The following RBM6 variants were observed in gnomAD, a reference collection of about 807,000 sequenced individuals.
The protein encoded by RBM6 is RNA-binding protein 6.
RBM6 carries 23 observed loss-of-function variants against 140.4 expected under a neutral mutation model. The ratio of observed to expected loss-of-function variants is 0.16; its 90% CI spans 0.12 to 0.23. RBM6 has a LOEUF of 0.23. RBM6 is among the 10% of genes least tolerant of loss of function. RBM6 has a pLI of 1.00. For missense variants in RBM6, 1,139 were observed against 1,386.7 expected (o/e 0.82, Z 2.84); for synonymous variants, 439 against 475.6 (o/e 0.92, Z 1.00).
intron 1 of RBM6, among the ~76,000 whole-genome samples, chr3:49,956,448 C>T (rs537550816): frequency 6.8e-6 from 1 of 147,230 alleles, no homozygotes; most frequent in Non-Finnish European, 1.5e-5. Context: ...CATTTTCCTG[C>T]CTCTGCCTCC....
chr3:50,057,451 G>C (rs2089748736), intron 8 of RBM6, among the ~76,000 whole-genome samples: 1 of 151,942 alleles, frequency 6.6e-6, no homozygotes, highest in Non-Finnish European at 1.5e-5. Flanking sequence ...ACCTGGGCGT[G>C]GTGGTGGGCA....
At chr3:49,980,053 C>T (rs1455865008) in intron 5 of RBM6, among the ~76,000 whole-genome samples, 4 of 151,480 alleles carry the variant, frequency 2.6e-5, no homozygotes, top group African/African-American at 7.3e-5. Flanking sequence ...CAAGCTGGAG[C>T]GTAATGGCGC....
At chr3:49,994,407 C>T (rs35012435) in intron 5 of RBM6, among the ~76,000 whole-genome samples, 33,197 of 152,012 alleles carry the variant, frequency 0.22, 3,926 homozygotes, top group Middle Eastern at 0.27. Context: ...GGAAATCTTG[C>T]GCACAAAGCC....
intron 5 of RBM6, among the ~76,000 whole-genome samples, chr3:49,978,268 T>C (rs1183719840): frequency 1.3e-5 from 2 of 152,148 alleles, no homozygotes; most frequent in African/African-American, 2.4e-5. Context: ...CCCACAGTGC[T>C]GGGATTACAG....
At chr3:49,966,014 T>G (rs2084501880) in intron 2 of RBM6, among the ~76,000 whole-genome samples, 1 of 151,884 alleles carries the variant, frequency 6.6e-6, no homozygotes, top group African/African-American at 2.4e-5. Context: ...TAATCCCAGC[T>G]ACTCTGGAGG....
intron 1 of RBM6, among the ~76,000 whole-genome samples, chr3:49,957,665 A>G (rs966104243): frequency 1.3e-5 from 2 of 152,132 alleles, no homozygotes; most frequent in Non-Finnish European, 2.9e-5. Context: ...CTGTTAAGTC[A>G]TGGATTACAT....
rs1359094349 is a variant in RBM6 at position 50,077,160 on chromosome 3, A to G, written c.*27A>G. 1.9e-6 allele frequency: 3 copies of G among 1,590,660 alleles called. No homozygotes were observed. ...AAAGGAGACAAGTTCCATGGGATAC[A>G]ACCTCCCTCTTGTTTTGTTTGTCTC... On this transcript the variant is annotated 3_prime_UTR_variant, in exon 21 of 21. Coordinates refer to ENST00000266022, the MANE Select transcript of RBM6 (RefSeq NM_005777.3).
At position 50,076,992 on chromosome 3, in the gene RBM6, T is replaced by G. The variant is rs775325538; in HGVS notation, c.3247-16T>G. 1.9e-6 allele frequency: 3 copies of G among 1,600,814 alleles called. No individual in the cohort carries two copies. Among genetic ancestry groups the G allele is most frequent in the Non-Finnish European group, 2.6e-6 (3 of 1,175,310 alleles). ...AATCTATAGGGCCCACTTCATAGTT[T>G]GTCTTTGTTTTACAGGCTGAAGGCC... On this transcript the variant is annotated splice_polypyrimidine_tract_variant and intron_variant, in intron 20 of 20. Coordinates refer to ENST00000266022, the MANE Select transcript of RBM6 (RefSeq NM_005777.3).
At chr3:50,033,551 T>C (rs1469761837) in intron 6 of RBM6, among the ~76,000 whole-genome samples, 2 of 152,184 alleles carry the variant, frequency 1.3e-5, no homozygotes, top group Non-Finnish European at 2.9e-5. Context: ...CTGATGTAAG[T>C]ATATGAAGTT....
intron 8 of RBM6, among the ~76,000 whole-genome samples, chr3:50,057,117 G>C (rs2089732603): frequency 6.6e-6 from 1 of 152,128 alleles, no homozygotes; most frequent in Non-Finnish European, 1.5e-5. Context: ...GTGTCATGAA[G>C]GATTTGTTAT....
chr3:49,945,930 A>G (rs1375040429), intron 1 of RBM6, among the ~76,000 whole-genome samples: 1 of 151,418 alleles, frequency 6.6e-6, no homozygotes, highest in Admixed American at 6.6e-5. Context: ...TGAGACCTTA[A>G]TCCAGCAGGA....
At chr3:49,945,171 G>T (rs1409603353) in intron 1 of RBM6, among the ~76,000 whole-genome samples, 1 of 142,186 alleles carries the variant, frequency 7.0e-6, no homozygotes. Context: ...CACCGCGCCC[G>T]GCCAATTTTT....
chr3:50,060,059 C>T (rs529268599), intron 11 of RBM6, among the ~76,000 whole-genome samples: 4 of 152,004 alleles, frequency 2.6e-5, no homozygotes, highest in African/African-American at 7.3e-5. Flanking sequence ...AGATGGGGAG[C>T]GGGTTACATG....
chr3:50,026,144 GC>G (rs2087805655), intron 6 of RBM6, among the ~76,000 whole-genome samples: 1 of 151,824 alleles, frequency 6.6e-6, no homozygotes, highest in South Asian at 2.1e-4. Flanking sequence ...GAGTGCAGTG[GC>G]ACGATCTCGG....
intron 1 of RBM6, among the ~76,000 whole-genome samples, chr3:49,961,841 T>C (rs1008131918): frequency 6.6e-6 from 1 of 150,404 alleles, no homozygotes; most frequent in Admixed American, 6.6e-5. Flanking sequence ...AAATTTAATA[T>C]GTAAGTGATG....
intron 6 of RBM6, among the ~76,000 whole-genome samples, chr3:50,026,664 G>A (rs975964963): frequency 4.6e-5 from 7 of 151,186 alleles, no homozygotes; most frequent in African/African-American, 1.7e-4. Context: ...AAAAATATAG[G>A]ACTTTGGGAG....
chr3:50,057,612 C>CA, intron 8 of RBM6, 116 bp from the exon 9 acceptor site: 2 of 504,646 alleles, frequency 4.0e-6, no homozygotes, highest in South Asian at 3.0e-5. Flanking sequence ...AAAAAAAAGG[C>CA]ATTCCAGTAT....
At chr3:50,040,487 TATATATACACACAC>T (rs1559620189) in intron 6 of RBM6, among the ~76,000 whole-genome samples, 3 of 102,540 alleles carry the variant, frequency 2.9e-5, no homozygotes, top group South Asian at 3.2e-4. Flanking sequence ...TATATATATA[TATATATACACACAC>T]ACACACACAC....
At chr3:50,013,444 G>T (rs2086959422) in intron 6 of RBM6, among the ~76,000 whole-genome samples, 1 of 152,166 alleles carries the variant, frequency 6.6e-6, no homozygotes, top group African/African-American at 2.4e-5. Context: ...GCCGAGGGAG[G>T]CGGATCACGA....
Sources: gnomAD v4.1 joint callset for allele counts (sites outside exome capture counted in the v4.1 genomes callset) on GRCh38, gnomAD v4.1.1 for gene constraint, MANE v1.5 for transcripts, NCBI Gene and HGNC (gene_info 2026-07-23, HGNC 2026-07-21) for gene names.